The following IGF2BP2 variants were observed in gnomAD, a reference collection of about 807,000 sequenced individuals.
IGF2BP2 encodes the protein insulin-like growth factor 2 mRNA-binding protein 2.
Under a neutral mutation model 75.8 loss-of-function variants are expected in IGF2BP2, and 17 were observed. The observed-to-expected ratio is 0.22, with a 90% CI of 0.15 to 0.34. The LOEUF is 0.34. IGF2BP2 is among the 10% of genes least tolerant of loss of function. The pLI is 1.00. For synonymous variants in IGF2BP2, 288 were observed against 295.6 expected (o/e 0.97, Z 0.26); for missense variants, 516 against 772.4 (o/e 0.67, Z 3.93).
intron 2 of IGF2BP2, among the ~76,000 whole-genome samples, chr3:185,762,397 G>T (rs1732493630): frequency 6.7e-6 from 1 of 149,982 alleles, no homozygotes. Context: ...GCCGGGTGTG[G>T]TGGCAGGCGC....
chr3:185,682,276 CATTA>C (rs956452096), intron 7 of IGF2BP2, among the ~76,000 whole-genome samples: 13 of 152,234 alleles, frequency 8.5e-5, no homozygotes, highest in East Asian at 5.8e-4. Context: ...TAATCACCTG[CATTA>C]ATTAATTAAT....
At chr3:185,674,876 G>A (rs1577917779) in intron 9 of IGF2BP2, 1 of 153,298 alleles carries the variant, frequency 6.5e-6, no homozygotes, top group Non-Finnish European at 1.4e-5. Flanking sequence ...CTGTTGCCCA[G>A]GCTGGAGTGC....
At chr3:185,776,681 T>C (rs1021820562) in intron 2 of IGF2BP2, among the ~76,000 whole-genome samples, 4 of 152,050 alleles carry the variant, frequency 2.6e-5, no homozygotes, top group South Asian at 2.1e-4. Flanking sequence ...AGGGGTGTCA[T>C]GGGAGTTGAA....
At chr3:185,652,047 GCT>G in intron 13 of IGF2BP2, 45 bp downstream of exon 13, 1 of 1,496,928 alleles carries the variant, frequency 6.7e-7, no homozygotes, top group Non-Finnish European at 9.2e-7. Context: ...TGAGGTGGCT[GCT>G]CTGTGCCCAG....
At chr3:185,676,533 A>G (rs760558709) in intron 7 of IGF2BP2, among the ~76,000 whole-genome samples, 19 of 151,916 alleles carry the variant, frequency 1.3e-4, no homozygotes, top group Non-Finnish European at 2.6e-4. Flanking sequence ...AAAATTAGCC[A>G]GGCATAGTGG....
At chr3:185,651,362 C>T (rs1188924974) in intron 13 of IGF2BP2, among the ~76,000 whole-genome samples, 1 of 152,114 alleles carries the variant, frequency 6.6e-6, no homozygotes, top group Admixed American at 6.5e-5. Context: ...TGAAGGGTTA[C>T]TGTTTTTTGT....
intron 2 of IGF2BP2, among the ~76,000 whole-genome samples, chr3:185,760,844 C>A (rs1396735376): frequency 6.6e-6 from 1 of 152,156 alleles, no homozygotes; most frequent in South Asian, 2.1e-4. Context: ...AAACTTGCTG[C>A]CCAACTTTAA....
intron 6 of IGF2BP2, chr3:185,689,109 G>C (rs1721552410): frequency 2.0e-6 from 1 of 493,544 alleles, no homozygotes; most frequent in Non-Finnish European, 3.5e-6. Context: ...TTCGCTTACA[G>C]GAACAGTCCT....
At chr3:185,660,192 G>A (rs1330127515) in intron 10 of IGF2BP2, among the ~76,000 whole-genome samples, 1 of 152,172 alleles carries the variant, frequency 6.6e-6, no homozygotes, top group Non-Finnish European at 1.5e-5. Flanking sequence ...TGCTGTTCCA[G>A]GAAAGGAAGT....
intron 2 of IGF2BP2, among the ~76,000 whole-genome samples, chr3:185,775,061 G>A (rs1167976775): frequency 6.6e-6 from 1 of 151,868 alleles, no homozygotes; most frequent in Non-Finnish European, 1.5e-5. Flanking sequence ...TCAGATTTTG[G>A]CTCCAACACT....
chr3:185,777,093 A>G (rs1001709362), intron 2 of IGF2BP2, among the ~76,000 whole-genome samples: 2 of 152,180 alleles, frequency 1.3e-5, no homozygotes, highest in African/African-American at 4.8e-5. Context: ...CCAAAGTGAA[A>G]AGAGAGATAG....
At position 185,672,578 on chromosome 3, in the gene IGF2BP2, C is replaced by A. The variant is rs138930530; in HGVS notation, c.1163G>T (p.Arg388Leu). Residue 388 changes from arginine to leucine, a missense_variant, in exon 10 of 16, where the codon CGC becomes CTC. Physicochemically the swap from Arg to Leu is moderately radical, Grantham distance 102. This residue lies in a region of IGF2BP2 where 75 missense variants were observed against 67.4 expected (regional missense o/e 1.11). Transcript: ENST00000382199. Reference sequence around the variant, plus strand: ...GTAGGGGGCAGCGGGGGGAGCTCCGCGGGGCCCTGCTGGTGGAGATAGCAC... The same window carrying A: ...GTAGGGGGCAGCGGGGGGAGCTCCGAGGGGCCCTGCTGGTGGAGATAGCAC... ...LSVLSPPAGP[R>L]GAPPAAPYHP... 5 of 1,612,686 alleles carry A rather than the reference C, an allele frequency of 3.1e-6. No homozygotes were observed. The highest frequency in any genetic ancestry group is 4.2e-6 in the Non-Finnish European group (5 of 1,179,294).
At chr3:185,646,379 C>G (rs1420986158) in intron 15 of IGF2BP2, among the ~76,000 whole-genome samples, 2 of 152,226 alleles carry the variant, frequency 1.3e-5, no homozygotes, top group African/African-American at 4.8e-5. Flanking sequence ...ACAGCTTAGA[C>G]AAACCTTCAG....
rs1159568857 is a variant in IGF2BP2, at chr3:185,707,295, C to CTTTT, written c.240-8952_240-8949dup. On this transcript the variant is annotated intron_variant, in intron 2 of 15. Transcript: ENST00000382199. ...TTATATTCAGTGTGTAACGAAGGGGCTTTTTTTTTTTTTTTTTTTTTTTTT... is the reference window on the plus strand; with the variant it reads ...TTATATTCAGTGTGTAACGAAGGGGCTTTTTTTTTTTTTTTTTTTTTTTTTTTTT... 3.1e-3 allele frequency among the ~76,000 whole-genome samples: 124 copies of CTTTT among 39,862 alleles called. 24 individuals carry two copies. Among genetic ancestry groups the CTTTT allele is most frequent in the African/African-American group, 7.3e-3 (65 of 8,910 alleles). 26.2% of individuals were successfully genotyped at this position (39,862 alleles called of 152,430 possible).
At chr3:185,663,765 TCTA>T (rs1716855670) in intron 10 of IGF2BP2, among the ~76,000 whole-genome samples, 1 of 152,216 alleles carries the variant, frequency 6.6e-6, no homozygotes, top group African/African-American at 2.4e-5. Context: ...CTTATTTTCT[TCTA>T]CTAATTTTGC....
intron 2 of IGF2BP2, among the ~76,000 whole-genome samples, chr3:185,701,560 A>G (rs1249426185): frequency 6.6e-6 from 1 of 152,192 alleles, no homozygotes; most frequent in Non-Finnish European, 1.5e-5. Context: ...CAAAAGTAGG[A>G]AAACTCCGCC....
chr3:185,698,832 T>G (rs958453715), intron 2 of IGF2BP2, among the ~76,000 whole-genome samples: 5 of 151,830 alleles, frequency 3.3e-5, no homozygotes, highest in African/African-American at 1.2e-4. Flanking sequence ...GTTTGTTTTT[T>G]AAGAAGGGGT....
At chr3:185,785,598 C>G (rs929604504) in intron 2 of IGF2BP2, among the ~76,000 whole-genome samples, 1 of 151,624 alleles carries the variant, frequency 6.6e-6, no homozygotes, top group Non-Finnish European at 1.5e-5. Flanking sequence ...GTAGAAGGAT[C>G]ACTTGAGGCC....
At chr3:185,728,904 T>A (rs945516586) in intron 2 of IGF2BP2, 1 of 152,204 alleles carries the variant, frequency 6.6e-6, no homozygotes, top group African/African-American at 2.4e-5. Context: ...ACCAAGATGT[T>A]ATTTGCCTTG....
Sources: gnomAD v4.1 joint callset for allele counts (sites outside exome capture counted in the v4.1 genomes callset) on GRCh38, gnomAD v4.1.1 for gene constraint, gnomAD v4.1.1 regional missense constraint, MANE v1.5 for transcripts, NCBI Gene and HGNC (gene_info 2026-07-23, HGNC 2026-07-21) for gene names.